TRHDE: variants seen among roughly 807,000 people sequenced by gnomAD.
TRHDE encodes thyrotropin-releasing hormone-degrading ectoenzyme.
In TRHDE, 72 loss-of-function variants were observed where a neutral mutation model predicts 125.7. The ratio of observed to expected loss-of-function variants is 0.57; its 90% CI spans 0.47 to 0.70. The LOEUF (loss-of-function observed/expected upper bound fraction) is 0.70. Ranked by LOEUF, TRHDE falls within the 30% of genes least tolerant of loss-of-function variation. The pLI is 0.00. For missense variants in TRHDE, 1,110 were observed against 1,327.1 expected (o/e 0.84, Z 2.54); for synonymous variants, 509 against 509.1 (o/e 1.00, Z 0.00).
chr12:72,646,578 T>C (rs1398925821), intron 15 of TRHDE, among the ~76,000 whole-genome samples: 5 of 152,132 alleles, frequency 3.3e-5, no homozygotes, highest in Admixed American at 3.3e-4. Context: ...ATGCACAGTG[T>C]TGGTAAGAGT....
intron 2 of TRHDE, among the ~76,000 whole-genome samples, chr12:72,108,470 C>T (rs79449265): frequency 1.3e-5 from 2 of 152,060 alleles, no homozygotes; most frequent in African/African-American, 4.8e-5. Context: ...AGGCTAACAT[C>T]ATCCTGTTTG....
chr12:72,210,925 C>CA (rs1388233323), intron 2 of TRHDE, among the ~76,000 whole-genome samples: 1 of 152,036 alleles, frequency 6.6e-6, no homozygotes. Context: ...ATTCATAAGG[C>CA]AAAAAATTTC....
intron 2 of TRHDE, among the ~76,000 whole-genome samples, chr12:72,215,598 A>G (rs917438279): frequency 2.0e-5 from 3 of 152,264 alleles, no homozygotes; most frequent in Admixed American, 6.5e-5. Flanking sequence ...CCAAATTGTC[A>G]TGGCAATAGT....
chr12:72,373,788 G>T (rs1207484552), intron 2 of TRHDE, among the ~76,000 whole-genome samples: 1 of 152,106 alleles, frequency 6.6e-6, no homozygotes, highest in Non-Finnish European at 1.5e-5. Context: ...TGAAAAGGAA[G>T]CTAGTGTTAT....
intron 3 of TRHDE, among the ~76,000 whole-genome samples, chr12:72,447,012 G>A (rs1025749316): frequency 2.0e-4 from 30 of 151,990 alleles, no homozygotes; most frequent in South Asian, 4.2e-4. Flanking sequence ...TGCACCAAGC[G>A]GACCTAATAG....
At chr12:72,206,846 TTATC>T (rs1471501860) in intron 2 of TRHDE, among the ~76,000 whole-genome samples, 1 of 151,774 alleles carries the variant, frequency 6.6e-6, no homozygotes, top group Non-Finnish European at 1.5e-5. Context: ...TATAATATGT[TTATC>T]TACATATAAT....
Position 72,621,095 on chromosome 12 carries a change from A to G in TRHDE, c.2470-13A>G, listed in dbSNP as rs1592577579. 4.0e-6 allele frequency: 6 copies of G among 1,484,124 alleles called. No individual in the cohort carries two copies. In the East Asian group the frequency reaches 9.1e-5, roughly 22 times the overall value. 91.9% of individuals were successfully genotyped at this position (1,484,124 alleles called of 1,614,324 possible). On this transcript the variant is annotated splice_polypyrimidine_tract_variant and intron_variant, in intron 13 of 18. Transcript: ENST00000261180. ...AACTGACCTTATCTTTATTTATTCT[A>G]TACCCCATTTAGGAATATATTTTAA...
chr12:72,493,996 T>C (rs1328457968), intron 5 of TRHDE, among the ~76,000 whole-genome samples: 1 of 152,072 alleles, frequency 6.6e-6, no homozygotes, highest in Non-Finnish European at 1.5e-5. Context: ...CCTACTTCTA[T>C]AGCCTTTGCA....
At chr12:72,165,254 C>T (rs1876719007) in intron 2 of TRHDE, among the ~76,000 whole-genome samples, 1 of 152,076 alleles carries the variant, frequency 6.6e-6, no homozygotes, top group South Asian at 2.1e-4. Flanking sequence ...TCTAGTATAC[C>T]ATCAAATTCA....
At position 72,639,529 on chromosome 12, in the gene TRHDE, G is replaced by T. The variant is rs568240928; in HGVS notation, c.2676-12793G>T. On this transcript the variant is annotated intron_variant, in intron 15 of 18. Transcript: ENST00000261180. ...TCAAAGTCATTCTCCGTCCAGCTTT[G>T]TTCCGTTGCTGGTGAGGAACTGCGT... is the stretch of plus-strand genomic sequence containing the variant. Among the ~76,000 whole-genome samples, 608 of 152,342 alleles carry T rather than the reference G, an allele frequency of 4.0e-3. 15 individuals carry two copies. Among genetic ancestry groups the T allele is most frequent in the Admixed American group, 0.033 (509 of 15,300 alleles).
chr12:72,341,645 A>T (rs1450592236), intron 2 of TRHDE, among the ~76,000 whole-genome samples: 1 of 152,128 alleles, frequency 6.6e-6, no homozygotes, highest in Non-Finnish European at 1.5e-5. Context: ...AGGAGTTAAG[A>T]TTAGAAGCAG....
At chr12:72,271,999 C>T (rs1378483104), upstream of TRHDE, 1 of 456,828 alleles carries the variant, frequency 2.2e-6, no homozygotes, top group Admixed American at 2.3e-5. Flanking sequence ...TCCGTCGTAG[C>T]TTCGCGGCCC....
intron 2 of TRHDE, among the ~76,000 whole-genome samples, chr12:72,110,323 G>T (rs1875288163): frequency 6.6e-6 from 1 of 152,058 alleles, no homozygotes; most frequent in Non-Finnish European, 1.5e-5. Flanking sequence ...CAACAGTCAG[G>T]TGAGATAAGG....
chr12:72,383,907 C>G (rs549061555), intron 3 of TRHDE, among the ~76,000 whole-genome samples: 1 of 152,006 alleles, frequency 6.6e-6, no homozygotes, highest in East Asian at 1.9e-4. Context: ...ATATAGCTTG[C>G]CTTATAAACT....
chr12:72,532,945 T>G (rs997779438), intron 6 of TRHDE, among the ~76,000 whole-genome samples: 2 of 145,776 alleles, frequency 1.4e-5, no homozygotes, highest in Admixed American at 1.4e-4. Flanking sequence ...AGTTTGCATA[T>G]CAGTTACACA....
chr12:72,324,434 C>T (rs1869243834), intron 2 of TRHDE, among the ~76,000 whole-genome samples: 1 of 151,946 alleles, frequency 6.6e-6, no homozygotes, highest in South Asian at 2.1e-4. Flanking sequence ...AGAAATGGGC[C>T]TTTCACTCAG....
intron 2 of TRHDE, among the ~76,000 whole-genome samples, chr12:72,266,498 C>T (rs187454274): frequency 6.6e-5 from 10 of 151,298 alleles, no homozygotes; most frequent in African/African-American, 2.4e-4. Context: ...CATTATCTTA[C>T]AAAATTATAA....
intron 2 of TRHDE, among the ~76,000 whole-genome samples, chr12:72,225,154 C>T (rs1878100027): frequency 6.6e-6 from 1 of 152,106 alleles, no homozygotes; most frequent in Admixed American, 6.6e-5. Flanking sequence ...AATTGACCAA[C>T]TGTCAGGAAA....
intron 1 of TRHDE, among the ~76,000 whole-genome samples, chr12:72,103,010 C>A (rs1392425977): frequency 6.6e-6 from 1 of 152,230 alleles, no homozygotes; most frequent in Non-Finnish European, 1.5e-5. Flanking sequence ...TCACATCTTC[C>A]TCTGACATTG....
Sources: gnomAD v4.1 joint callset for allele counts (sites outside exome capture counted in the v4.1 genomes callset) on GRCh38, gnomAD v4.1.1 for gene constraint, MANE v1.5 for transcripts, NCBI Gene and HGNC (gene_info 2026-07-23, HGNC 2026-07-21) for gene names.